The following RORA variants were observed in gnomAD, a reference collection of about 807,000 sequenced individuals.
The protein encoded by RORA is RAR related orphan receptor A.
RORA carries 7 observed loss-of-function variants against 69.5 expected under a neutral mutation model. That is an observed-to-expected ratio of 0.10 (90% CI 0.06 to 0.19). RORA has a LOEUF of 0.19. Ranked by LOEUF, RORA falls within the 10% of genes least tolerant of loss-of-function variation. The pLI is 1.00. For synonymous variants in RORA, 261 were observed against 240.8 expected (o/e 1.08, Z -0.78); for missense variants, 457 against 663.0 (o/e 0.69, Z 3.41).
chr15:61,156,508 C>A (rs925910529), intron 1 of RORA, among the ~76,000 whole-genome samples: 2 of 152,124 alleles, frequency 1.3e-5, no homozygotes, highest in African/African-American at 4.8e-5. Context: ...ATTACCTTCC[C>A]CAGAGACCTG....
intron 1 of RORA, among the ~76,000 whole-genome samples, chr15:61,187,303 G>C (rs1055899599): frequency 6.6e-6 from 1 of 152,254 alleles, no homozygotes; most frequent in Admixed American, 6.5e-5. Flanking sequence ...CAGGCGGCCC[G>C]CCAGGCCCAA....
intron 1 of RORA, among the ~76,000 whole-genome samples, chr15:61,033,493 A>G (rs1247605802): frequency 6.6e-6 from 1 of 152,086 alleles, no homozygotes; most frequent in African/African-American, 2.4e-5. Flanking sequence ...CTCCAAATCC[A>G]TCACCAACCA....
chr15:60,516,511 A>T (rs183066281), intron 3 of RORA, among the ~76,000 whole-genome samples: 2 of 151,694 alleles, frequency 1.3e-5, no homozygotes, highest in Admixed American at 1.3e-4. Flanking sequence ...TACAAAAGAG[A>T]ATTATTACCT....
chr15:60,804,707 T>A (rs1260068634), intron 1 of RORA, among the ~76,000 whole-genome samples: 1 of 152,228 alleles, frequency 6.6e-6, no homozygotes, highest in Non-Finnish European at 1.5e-5. Flanking sequence ...GAATTACATA[T>A]GTATGAGATT....
Position 60,493,307 on chromosome 15 carries a change from A to C in RORA, c.*4148T>G, listed in dbSNP as rs541687952. On this transcript the variant is annotated 3_prime_UTR_variant, in exon 11 of 11. Coordinates refer to ENST00000335670, the MANE Select transcript of RORA (RefSeq NM_134261.3). The stretch of plus-strand genomic sequence containing the variant: ...AAAAACAAAAGGCAAAACAAAAAAA[A>C]CCAAAAAACAAAAAAACCCCAAAAA... The C allele has an allele frequency of 1.3e-5, 2 of 152,240 alleles. No homozygotes were observed. The highest frequency in any genetic ancestry group is 3.9e-4 in the East Asian group (2 of 5,184). The allele number at this position is 152,240 out of a possible 1,614,324, so 9.4% of individuals were successfully genotyped here.
chr15:61,229,040 T>A lies in RORA; in HGVS notation c.166+13A>T, dbSNP rs1379864823. 3 of 1,486,538 alleles carry A rather than the reference T, an allele frequency of 2.0e-6. No homozygotes were observed. The Admixed American group carries it at 6.4e-5, about 32-fold the overall frequency. 92.1% of individuals were successfully genotyped at this position (1,486,538 alleles called of 1,614,324 possible). A position where few individuals can be genotyped will look rare whatever the true frequency, so the allele number is the denominator to read the frequency against. On this transcript the variant is annotated intron_variant, in intron 1 of 10. Transcript: ENST00000335670. ...CCCGCCGCCCCCTCCCCAGCCCCTC[T>A]CCAGCCTCCTACCTCTGCTGGTGCT...
At chr15:60,822,714 T>C (rs1294245591) in intron 1 of RORA, among the ~76,000 whole-genome samples, 1 of 152,198 alleles carries the variant, frequency 6.6e-6, no homozygotes, top group East Asian at 1.9e-4. Flanking sequence ...CCACCTAGCA[T>C]GCGCATTAGC....
At chr15:60,995,688 G>T (rs940226) in intron 1 of RORA, among the ~76,000 whole-genome samples, 101,240 of 151,840 alleles carry the variant, frequency 0.67, 34,299 homozygotes, top group East Asian at 0.81. Context: ...ACAGAGTCTC[G>T]TGATATGCTG....
rs115150368 is a variant in RORA, at chr15:61,006,970, G to A, written c.166+222083C>T. Among the ~76,000 whole-genome samples, 485 of 152,016 alleles carry A rather than the reference G, an allele frequency of 3.2e-3. 2 individuals carry two copies. The highest frequency in any genetic ancestry group is 0.011 in the African/African-American group (460 of 41,442). ...TTAAATTCCAGAATCTCAATTTCCCGGAGTCTTTCCTAAATGTGTCTGATA... is the reference window on the plus strand; with the variant it reads ...TTAAATTCCAGAATCTCAATTTCCCAGAGTCTTTCCTAAATGTGTCTGATA... On this transcript the variant is annotated intron_variant, in intron 1 of 10. Coordinates refer to ENST00000335670, the MANE Select transcript of RORA (RefSeq NM_134261.3).
chr15:60,594,107 A>G (rs926510544), intron 2 of RORA, among the ~76,000 whole-genome samples: 1 of 152,232 alleles, frequency 6.6e-6, no homozygotes, highest in African/African-American at 2.4e-5. Context: ...CCCCCAAAAA[A>G]AACTACAAAG....
chr15:61,135,694 C>G (rs2079232712), intron 1 of RORA, among the ~76,000 whole-genome samples: 1 of 151,726 alleles, frequency 6.6e-6, no homozygotes, highest in Non-Finnish European at 1.5e-5. Flanking sequence ...ACCAGGGAAG[C>G]AGAGAGCAGG....
At chr15:61,089,441 T>C (rs992173037) in intron 1 of RORA, among the ~76,000 whole-genome samples, 2 of 152,202 alleles carry the variant, frequency 1.3e-5, no homozygotes, top group Non-Finnish European at 2.9e-5. Context: ...TGCACATACA[T>C]GCACACAAAC....
At chr15:61,148,878 A>T (rs1054502211) in intron 1 of RORA, among the ~76,000 whole-genome samples, 2 of 152,194 alleles carry the variant, frequency 1.3e-5, no homozygotes, top group East Asian at 3.9e-4. Flanking sequence ...TTGATTAACC[A>T]AAGGGAGTGC....
chr15:60,642,969 C>G (rs2069970860), intron 2 of RORA, among the ~76,000 whole-genome samples: 1 of 152,118 alleles, frequency 6.6e-6, no homozygotes, highest in Non-Finnish European at 1.5e-5. Context: ...CCAGCCTGAG[C>G]AACATGGCGA....
chr15:60,624,180 A>T (rs1184399642), intron 2 of RORA, among the ~76,000 whole-genome samples: 2 of 152,032 alleles, frequency 1.3e-5, no homozygotes, highest in East Asian at 3.9e-4. Context: ...GAAACATCAG[A>T]TCTGAATTAG....
chr15:60,870,322 A>G (rs533690788), intron 1 of RORA, among the ~76,000 whole-genome samples: 1 of 152,336 alleles, frequency 6.6e-6, no homozygotes, highest in South Asian at 2.1e-4. Context: ...ACCTACTTAC[A>G]TGACCAGAGA....
intron 1 of RORA, among the ~76,000 whole-genome samples, chr15:61,162,108 C>T (rs1237935307): frequency 6.6e-6 from 1 of 152,050 alleles, no homozygotes; most frequent in Non-Finnish European, 1.5e-5. Context: ...CTTTTGCCTA[C>T]AGTCAGAAAA....
intron 1 of RORA, among the ~76,000 whole-genome samples, chr15:60,748,835 G>C (rs1043871975): frequency 6.6e-6 from 1 of 152,298 alleles, no homozygotes; most frequent in Non-Finnish European, 1.5e-5. Context: ...GTCTGCACTA[G>C]TGGGAGTGTT....
rs58672002 is a variant in RORA at position 60,733,914 on chromosome 15, C to CAGAGAGAGAGAGAG, written c.167-55242_167-55229dup. Among the ~76,000 whole-genome samples the CAGAGAGAGAGAGAG allele has an allele frequency of 2.2e-3, 221 of 101,446 alleles. 4 individuals are homozygous for CAGAGAGAGAGAGAG. The highest frequency in any genetic ancestry group is 6.0e-3 in the East Asian group (21 of 3,510). 66.6% of individuals were successfully genotyped at this position (101,446 alleles called of 152,430 possible). ...CACAGGTGAGCGGTTAGAATAGGGG[C>CAGAGAGAGAGAGAG]AGAGAGAGAGAGAGAGAGAGAGAGA... On this transcript the variant is annotated intron_variant, in intron 1 of 10. Transcript: ENST00000335670.
Sources: allele counts gnomAD v4.1 joint callset (sites outside exome capture counted in the v4.1 genomes callset), GRCh38; gene constraint gnomAD v4.1.1; transcripts MANE v1.5; gene names NCBI Gene and HGNC (gene_info 2026-07-23, HGNC 2026-07-21).